ZFHX3: variants seen among roughly 807,000 people sequenced by gnomAD.
ZFHX3 encodes zinc finger homeobox protein 3.
In ZFHX3, 42 loss-of-function variants were observed where a neutral mutation model predicts 279.1. The ratio of observed to expected loss-of-function variants is 0.15; its 90% CI spans 0.12 to 0.19. The LOEUF (loss-of-function observed/expected upper bound fraction) is 0.19. ZFHX3 is among the 10% of genes least tolerant of loss of function. ZFHX3 has a pLI of 1.00. For synonymous variants in ZFHX3, 2,293 were observed against 1,957.8 expected (o/e 1.17, Z -4.52); for missense variants, 4,981 against 4,754.0 (o/e 1.05, Z -1.40).
At chr16:72,887,997 G>C (rs902288325) in intron 4 of ZFHX3, among the ~76,000 whole-genome samples, 26 of 152,096 alleles carry the variant, frequency 1.7e-4, no homozygotes, top group African/African-American at 4.8e-4. Context: ...CAGCACACTG[G>C]TGAAATTCTC....
At chr16:72,805,589 GA>G (rs1269691865) in intron 7 of ZFHX3, among the ~76,000 whole-genome samples, 4 of 152,194 alleles carry the variant, frequency 2.6e-5, no homozygotes, top group Non-Finnish European at 5.9e-5. Flanking sequence ...CATTAAGCAT[GA>G]AGTTAAAAGC....
chr16:73,840,993 GA>G (rs1961290488), intron 1 of ZFHX3, among the ~76,000 whole-genome samples: 1 of 152,172 alleles, frequency 6.6e-6, no homozygotes, highest in Non-Finnish European at 1.5e-5. Flanking sequence ...AAAGCAATAG[GA>G]AAGCAGGTGG....
chr16:73,433,160 C>T (rs1306440321), intron 3 of ZFHX3, among the ~76,000 whole-genome samples: 5 of 152,194 alleles, frequency 3.3e-5, no homozygotes, highest in South Asian at 2.1e-4. Flanking sequence ...CTAGGCAGGT[C>T]GGGGCCTGCT....
At chr16:72,997,364 T>C (rs1304462413) in intron 1 of ZFHX3, among the ~76,000 whole-genome samples, 1 of 152,208 alleles carries the variant, frequency 6.6e-6, no homozygotes, top group Non-Finnish European at 1.5e-5. Flanking sequence ...GGTCCCACAG[T>C]TGAGCAATAG....
intron 1 of ZFHX3, among the ~76,000 whole-genome samples, chr16:72,967,391 AT>A (rs1961894206): frequency 1.3e-5 from 2 of 152,182 alleles, no homozygotes; most frequent in South Asian, 4.1e-4. Context: ...GAGCAAGAAA[AT>A]TAAGTGACAG....
chr16:73,548,804 T>C (rs1188890349), intron 2 of ZFHX3, among the ~76,000 whole-genome samples: 27 of 152,202 alleles, frequency 1.8e-4, no homozygotes, highest in Admixed American at 1.7e-3. Flanking sequence ...AATTGCTATG[T>C]AAACAAATTA....
intron 7 of ZFHX3, among the ~76,000 whole-genome samples, chr16:73,122,530 G>A (rs753545564): frequency 6.6e-6 from 1 of 152,218 alleles, no homozygotes; most frequent in South Asian, 2.1e-4. Context: ...TTTAGGATTT[G>A]TTTTCTGTCT....
intron 1 of ZFHX3, among the ~76,000 whole-genome samples, chr16:73,744,434 A>T (rs2053686244): frequency 6.6e-6 from 1 of 152,312 alleles, no homozygotes; most frequent in South Asian, 2.1e-4. Context: ...GCTTTCAATT[A>T]TCTATTTCAG....
intron 2 of ZFHX3, among the ~76,000 whole-genome samples, chr16:73,493,171 T>G (rs1352769106): frequency 2.0e-5 from 3 of 152,178 alleles, no homozygotes; most frequent in Non-Finnish European, 4.4e-5. Context: ...ACCTATTTTT[T>G]GCAGCTGGTC....
rs566982637 is a variant in ZFHX3, at chr16:73,463,189, T to A, written c.-1546-6931A>T. Among the ~76,000 whole-genome samples the A allele has an allele frequency of 9.8e-5, 15 of 152,364 alleles. No individual in the cohort carries two copies. In the East Asian group the frequency reaches 2.9e-3, roughly 29 times the overall value. ...AAAATCATTTGCTATTACAGTGGAA[T>A]AATAGTTAACATTTACTAAGTACTT... On this transcript the variant is annotated intron_variant, in intron 2 of 17. Transcript: ENST00000641206.
intron 1 of ZFHX3, among the ~76,000 whole-genome samples, chr16:73,874,484 A>C (rs2029891058): frequency 6.6e-6 from 1 of 152,192 alleles, no homozygotes; most frequent in African/African-American, 2.4e-5. Flanking sequence ...TGTATTTACA[A>C]GACTCTGTTC....
intron 4 of ZFHX3, among the ~76,000 whole-genome samples, chr16:73,305,850 A>C (rs2015169111): frequency 6.6e-6 from 1 of 152,228 alleles, no homozygotes; most frequent in Non-Finnish European, 1.5e-5. Context: ...GAGAGGGTAC[A>C]GTTCAGCATC....
At chr16:73,338,627 A>C (rs1297921980) in intron 3 of ZFHX3, among the ~76,000 whole-genome samples, 1 of 152,128 alleles carries the variant, frequency 6.6e-6, no homozygotes, top group Non-Finnish European at 1.5e-5. Context: ...TCTGACCTAC[A>C]AAACAGCAAT....
intron 2 of ZFHX3, among the ~76,000 whole-genome samples, chr16:73,613,096 G>C (rs2052264111): frequency 6.6e-6 from 1 of 152,094 alleles, no homozygotes; most frequent in Admixed American, 6.5e-5. Context: ...TAGAAAGCAA[G>C]TTTTTATTTA....
chr16:73,077,230 C>T (rs930369239), intron 8 of ZFHX3, among the ~76,000 whole-genome samples: 1 of 152,138 alleles, frequency 6.6e-6, no homozygotes, highest in African/African-American at 2.4e-5. Flanking sequence ...ATCATTTCCC[C>T]TCAATCTACT....
intron 5 of ZFHX3, among the ~76,000 whole-genome samples, chr16:73,145,666 T>C (rs1209491514): frequency 6.6e-6 from 1 of 152,236 alleles, no homozygotes; most frequent in Non-Finnish European, 1.5e-5. Flanking sequence ...TTCCATTCAG[T>C]CATGGAGGTG....
chr16:73,235,716 A>C (rs1277667101), intron 5 of ZFHX3, among the ~76,000 whole-genome samples: 1 of 151,890 alleles, frequency 6.6e-6, no homozygotes, highest in East Asian at 1.9e-4. Flanking sequence ...TCTGTCGCCC[A>C]TGCTGGAGTG....
At chr16:72,804,205 AAC>A (rs954561371) in intron 7 of ZFHX3, among the ~76,000 whole-genome samples, 3 of 152,240 alleles carry the variant, frequency 2.0e-5, no homozygotes, top group Non-Finnish European at 4.4e-5. Context: ...CTTCCAAAAT[AAC>A]ACAGTTGAAA....
chr16:72,981,877 CTTTTTTTTTT>C lies in ZFHX3; in HGVS notation c.-49-21693_-49-21684del, dbSNP rs34508059. Among the ~76,000 whole-genome samples, 7 of 130,714 alleles carry C rather than the reference CTTTTTTTTTT, an allele frequency of 5.4e-5. No individual in the cohort carries two copies. In the East Asian group the frequency reaches 1.4e-3, roughly 25 times the overall value. The allele number at this position is 130,714 out of a possible 152,430, so 85.8% of individuals were successfully genotyped here. On this transcript the variant is annotated intron_variant, in intron 1 of 9. Transcript: ENST00000268489. ...TGCACACAGCGTTTTACACATTTTCCTTTTTTTTTTTTTTTTTTTTCCTGAGATGGAGTCT... is the reference window on the plus strand; with the variant it reads ...TGCACACAGCGTTTTACACATTTTCCTTTTTTTTTTCCTGAGATGGAGTCT...
Sources: allele counts gnomAD v4.1 joint callset (sites outside exome capture counted in the v4.1 genomes callset), GRCh38; gene constraint gnomAD v4.1.1; transcripts MANE v1.5; gene names NCBI Gene and HGNC (gene_info 2026-07-23, HGNC 2026-07-21).